Variants in EFCAB6 observed in about 807,000 individuals in gnomAD.
EFCAB6 encodes the protein EF-hand calcium-binding domain-containing protein 6.
Under a neutral mutation model 169.8 loss-of-function variants are expected in EFCAB6, and 156 were observed. That is an observed-to-expected ratio of 0.92 (90% CI 0.81 to 1.05). EFCAB6 has a LOEUF of 1.05. Ranked by LOEUF, EFCAB6 falls within the 50% of genes least tolerant of loss-of-function variation. The pLI, the probability that EFCAB6 is intolerant of heterozygous loss-of-function variation, is 0.00. For synonymous variants in EFCAB6, 698 were observed against 676.4 expected (o/e 1.03, Z -0.50); for missense variants, 1,800 against 1,829.1 (o/e 0.98, Z 0.29).
At chr22:43,614,764 C>T (rs539125279) in intron 21 of EFCAB6, among the ~76,000 whole-genome samples, 1 of 152,318 alleles carries the variant, frequency 6.6e-6, no homozygotes, top group South Asian at 2.1e-4. Flanking sequence ...ACAGCACAGA[C>T]AGTCCACTTT....
chr22:43,664,783 G>A (rs1266170374), intron 17 of EFCAB6, among the ~76,000 whole-genome samples: 2 of 152,176 alleles, frequency 1.3e-5, no homozygotes, highest in Non-Finnish European at 2.9e-5. Flanking sequence ...GTTGGACCAT[G>A]CAGGGTCTCC....
chr22:43,588,985 G>A (rs1012876220), intron 24 of EFCAB6, among the ~76,000 whole-genome samples: 4 of 152,060 alleles, frequency 2.6e-5, no homozygotes, highest in Admixed American at 6.6e-5. Flanking sequence ...ATGAGGTAAC[G>A]GAGGCTGAGG....
chr22:43,626,335 A>G (rs997630770), intron 20 of EFCAB6, 112 bp downstream of exon 20: 29 of 1,098,084 alleles, frequency 2.6e-5, no homozygotes, highest in Non-Finnish European at 3.6e-5. Context: ...GAAAAAGAAA[A>G]AAATAATCAC....
intron 7 of EFCAB6, among the ~76,000 whole-genome samples, chr22:43,733,108 A>G (rs1330571741): frequency 2.0e-5 from 3 of 152,192 alleles, no homozygotes; most frequent in Non-Finnish European, 4.4e-5. Context: ...TTTTAATAAG[A>G]TAAATGATCT....
At chr22:43,685,294 G>T (rs549688646) in intron 11 of EFCAB6, among the ~76,000 whole-genome samples, 36 of 152,130 alleles carry the variant, frequency 2.4e-4, no homozygotes, top group Non-Finnish European at 4.3e-4. Context: ...GGGCGTGCCT[G>T]CGAGGGCGTT....
chr22:43,663,613 GACTA>G (rs1196914022), intron 17 of EFCAB6, among the ~76,000 whole-genome samples: 31 of 152,302 alleles, frequency 2.0e-4, no homozygotes, highest in Admixed American at 1.8e-3. Flanking sequence ...GTGCAAACTG[GACTA>G]ACTGTGTTCA....
intron 4 of EFCAB6, among the ~76,000 whole-genome samples, chr22:43,765,624 A>G (rs1008981288): frequency 6.6e-6 from 1 of 152,154 alleles, no homozygotes; most frequent in African/African-American, 2.4e-5. Flanking sequence ...TCTGTGCCCA[A>G]CTGAAAGTCG....
chr22:43,755,627 G>T, intron 6 of EFCAB6, 139 bp downstream of exon 6: 2 of 753,646 alleles, frequency 2.7e-6, no homozygotes, highest in Non-Finnish European at 4.2e-6. Flanking sequence ...GTTATCAGAA[G>T]ATCTATTTAG....
intron 23 of EFCAB6, among the ~76,000 whole-genome samples, chr22:43,591,770 A>G (rs2051574059): frequency 6.6e-6 from 1 of 152,164 alleles, no homozygotes; most frequent in Admixed American, 6.6e-5. Context: ...TGTGATTCAG[A>G]GACACTGAAT....
chr22:43,658,057 C>T (rs536323060), intron 17 of EFCAB6, among the ~76,000 whole-genome samples: 57 of 151,848 alleles, frequency 3.8e-4, no homozygotes, highest in African/African-American at 1.2e-3. Context: ...GGTGAAACCC[C>T]GTCTCTACTA....
At chr22:43,558,729 A>G (rs1200272013) in intron 26 of EFCAB6, among the ~76,000 whole-genome samples, 1 of 152,180 alleles carries the variant, frequency 6.6e-6, no homozygotes, top group Non-Finnish European at 1.5e-5. Context: ...GATCACCACC[A>G]TATTTTAGTA....
rs2060489820 is a variant in EFCAB6 at position 43,744,409 on chromosome 22, G to A, written c.508-8416C>T. Among the ~76,000 whole-genome samples the A allele has an allele frequency of 6.6e-6, 1 of 152,202 alleles. No homozygotes were observed. Among genetic ancestry groups the A allele is most frequent in the African/African-American group, 2.4e-5 (1 of 41,432 alleles). ...CTGCACCTACCTGGGAAGAGGAACT[G>A]AGACTCAGACAGACACAGCAGAGCA... On this transcript the variant is annotated intron_variant, in intron 6 of 31. Transcript: ENST00000262726. This position sits in a 1 kb window ranked among gnomAD's most constrained non-coding sequence, Gnocchi z 4.3.
intron 24 of EFCAB6, among the ~76,000 whole-genome samples, chr22:43,588,362 A>C (rs973506849): frequency 6.6e-6 from 1 of 152,242 alleles, no homozygotes; most frequent in Non-Finnish European, 1.5e-5. Flanking sequence ...TATTGTTAAT[A>C]CCTTCAGAGA....
chr22:43,601,092 G>A (rs2052488563), intron 22 of EFCAB6, among the ~76,000 whole-genome samples: 1 of 152,134 alleles, frequency 6.6e-6, no homozygotes, highest in South Asian at 2.1e-4. Context: ...ATTCAAAGAT[G>A]GTAAAATTTC....
At chr22:43,592,009 C>T (rs994162389) in intron 23 of EFCAB6, among the ~76,000 whole-genome samples, 1 of 152,080 alleles carries the variant, frequency 6.6e-6, no homozygotes, top group Non-Finnish European at 1.5e-5. Context: ...GGTTATTCCT[C>T]AGGGGAAATA....
At chr22:43,547,522 T>C (rs1331234226) in intron 27 of EFCAB6, among the ~76,000 whole-genome samples, 1 of 145,362 alleles carries the variant, frequency 6.9e-6, no homozygotes, top group African/African-American at 2.5e-5. Flanking sequence ...GGTGAATCAC[T>C]TGAGCTCAAG....
chr22:43,763,047 ATTT>A (rs1051337165), intron 5 of EFCAB6, among the ~76,000 whole-genome samples: 1 of 151,050 alleles, frequency 6.6e-6, no homozygotes, highest in African/African-American at 2.4e-5. Flanking sequence ...GCACTCATTC[ATTT>A]TTTTTTAAGA....
At chr22:43,687,643 G>A (rs1023607117) in intron 10 of EFCAB6, 62 bp from the exon 11 acceptor site, 3 of 923,948 alleles carry the variant, frequency 3.2e-6, no homozygotes, top group Non-Finnish European at 4.9e-6. Context: ...ACACTGCATG[G>A]ATTAGGTACT....
At chr22:43,771,030 C>T (rs927169241) in intron 4 of EFCAB6, among the ~76,000 whole-genome samples, 3 of 152,072 alleles carry the variant, frequency 2.0e-5, no homozygotes, top group Non-Finnish European at 4.4e-5. Flanking sequence ...ACAGATCATT[C>T]CCCTGTGTTG....
Sources: gnomAD v4.1 joint callset for allele counts (sites outside exome capture counted in the v4.1 genomes callset) on GRCh38, gnomAD v4.1.1 for gene constraint, Gnocchi (gnomAD v3.1) non-coding constraint, MANE v1.5 for transcripts, NCBI Gene and HGNC (gene_info 2026-07-23, HGNC 2026-07-21) for gene names.